The following SPOCK3 variants were observed in gnomAD, a reference collection of about 807,000 sequenced individuals.
SPOCK3 encodes the protein testican-3.
In SPOCK3, 30 loss-of-function variants were observed where a neutral mutation model predicts 56.6. The observed-to-expected ratio is 0.53, with a 90% confidence interval of 0.40 to 0.72. SPOCK3 has a LOEUF of 0.72. Ranked by LOEUF, SPOCK3 falls within the 30% of genes least tolerant of loss-of-function variation. The probability of loss-of-function intolerance (pLI) is 0.00; values close to 1 mark genes in which losing one functional copy is unlikely to be tolerated. For missense variants in SPOCK3, 527 were observed against 530.0 expected, an observed-to-expected ratio of 0.99 and a Z score of 0.06; for synonymous variants, 196 against 183.3, an observed-to-expected ratio of 1.07 and a Z score of -0.56.
rs935300133 is a variant in SPOCK3, at chr4:166,944,565, A to G, written c.351-31822T>C. Among the ~76,000 whole-genome samples, 4 of 152,108 alleles carry G rather than the reference A, an allele frequency of 2.6e-5. No individual in the cohort carries two copies. The East Asian group carries it at 5.8e-4, about 22-fold the overall frequency. On this transcript the variant is annotated intron_variant, in intron 4 of 10. Transcript: ENST00000357545. ...TTTTCTTGAGGGAGGGGTGGATTTC[A>G]TAACTTTTATTCCTTTAAACATTAT...
At chr4:167,206,887 CT>C (rs1210717709) in intron 2 of SPOCK3, among the ~76,000 whole-genome samples, 2 of 151,830 alleles carry the variant, frequency 1.3e-5, no homozygotes, top group Non-Finnish European at 2.9e-5. Context: ...AAAGTTACAA[CT>C]AGATAGGAGA....
chr4:167,173,786 C>T (rs957750107), intron 2 of SPOCK3, among the ~76,000 whole-genome samples: 10 of 152,046 alleles, frequency 6.6e-5, no homozygotes, highest in African/African-American at 2.4e-4. Context: ...AGGAGGATGA[C>T]TAGCAAGACT....
chr4:166,893,803 T>G (rs1394289320), intron 5 of SPOCK3, among the ~76,000 whole-genome samples: 1 of 152,170 alleles, frequency 6.6e-6, no homozygotes, highest in East Asian at 1.9e-4. Context: ...TATTATATTT[T>G]TAATGCTCTA....
intron 6 of SPOCK3, among the ~76,000 whole-genome samples, chr4:166,849,242 A>G (rs563113919): frequency 6.6e-6 from 1 of 152,294 alleles, no homozygotes; most frequent in South Asian, 2.1e-4. Flanking sequence ...TCCTGTTTCT[A>G]TACACATAAT....
At chr4:167,095,972 C>T (rs1009193045) in intron 2 of SPOCK3, among the ~76,000 whole-genome samples, 1 of 151,430 alleles carries the variant, frequency 6.6e-6, no homozygotes, top group Non-Finnish European at 1.5e-5. Flanking sequence ...TTTCAAGGAA[C>T]AATAAGAATT....
intron 6 of SPOCK3, among the ~76,000 whole-genome samples, chr4:166,807,217 G>A (rs1743257944): frequency 6.6e-6 from 1 of 151,864 alleles, no homozygotes; most frequent in African/African-American, 2.4e-5. Flanking sequence ...GTAGTGAGGT[G>A]ATGCAGCTGG....
intron 2 of SPOCK3, among the ~76,000 whole-genome samples, chr4:167,131,979 T>C (rs1394216734): frequency 1.3e-5 from 2 of 152,354 alleles, no homozygotes; most frequent in African/African-American, 2.4e-5. Context: ...CCCAGGTATT[T>C]ATATTTGAAT....
intron 6 of SPOCK3, among the ~76,000 whole-genome samples, chr4:166,868,878 C>A (rs1051569729): frequency 6.6e-6 from 1 of 151,942 alleles, no homozygotes; most frequent in Non-Finnish European, 1.5e-5. Flanking sequence ...TCTTTTTTTT[C>A]TATGCTATGA....
intron 2 of SPOCK3, among the ~76,000 whole-genome samples, chr4:167,200,940 C>A (rs1048318625): frequency 6.6e-6 from 1 of 151,954 alleles, no homozygotes; most frequent in African/African-American, 2.4e-5. Context: ...GTTGTGTATG[C>A]GGGCACACCA....
At chr4:166,820,690 G>A (rs1436191644) in intron 6 of SPOCK3, among the ~76,000 whole-genome samples, 2 of 151,872 alleles carry the variant, frequency 1.3e-5, no homozygotes, top group Non-Finnish European at 2.9e-5. Context: ...CAGGTGTGTT[G>A]GTGTGTACCT....
chr4:167,013,893 T>C (rs945149058), intron 3 of SPOCK3, among the ~76,000 whole-genome samples: 2 of 152,148 alleles, frequency 1.3e-5, no homozygotes, highest in African/African-American at 2.4e-5. Flanking sequence ...TATCCTATAA[T>C]TGTGTGATTT....
At chr4:166,950,387 T>C (rs972751328) in intron 4 of SPOCK3, among the ~76,000 whole-genome samples, 23 of 151,392 alleles carry the variant, frequency 1.5e-4, no homozygotes, top group African/African-American at 5.6e-4. Flanking sequence ...AAGAGCTAAC[T>C]ATCCTAAATA....
intron 2 of SPOCK3, among the ~76,000 whole-genome samples, chr4:167,172,116 T>C (rs567441699): frequency 6.6e-6 from 1 of 152,216 alleles, no homozygotes; most frequent in African/African-American, 2.4e-5. Context: ...CAGCCTGGAA[T>C]CTCTCAGCAG....
chr4:166,876,749 G>A (rs1182023358), intron 6 of SPOCK3, among the ~76,000 whole-genome samples: 1 of 152,050 alleles, frequency 6.6e-6, no homozygotes, highest in African/African-American at 2.4e-5. Flanking sequence ...ACTTGTTTTA[G>A]TTAAATATTT....
chr4:167,203,168 G>T (rs908899407), intron 2 of SPOCK3, among the ~76,000 whole-genome samples: 3 of 151,792 alleles, frequency 2.0e-5, no homozygotes, highest in Non-Finnish European at 4.4e-5. Flanking sequence ...ATTACTTACT[G>T]ATTTTTTTAG....
chr4:167,081,225 T>C (rs1400758619), intron 2 of SPOCK3, among the ~76,000 whole-genome samples: 1 of 152,020 alleles, frequency 6.6e-6, no homozygotes, highest in Non-Finnish European at 1.5e-5. Flanking sequence ...TATATACTTT[T>C]AGCTTCAATT....
intron 6 of SPOCK3, among the ~76,000 whole-genome samples, chr4:166,834,488 T>C (rs779757565): frequency 1.1e-4 from 17 of 152,222 alleles, no homozygotes; most frequent in Non-Finnish European, 2.2e-4. Flanking sequence ...GCTTTTTCTC[T>C]ATGGTCAGGT....
At chr4:166,975,164 T>C (rs1457093786) in intron 4 of SPOCK3, among the ~76,000 whole-genome samples, 1 of 152,162 alleles carries the variant, frequency 6.6e-6, no homozygotes, top group Non-Finnish European at 1.5e-5. Flanking sequence ...GACTTCCCGG[T>C]CTTTAGAACT....
intron 7 of SPOCK3, among the ~76,000 whole-genome samples, chr4:166,770,169 C>T (rs999980597): frequency 8.5e-5 from 13 of 152,160 alleles, no homozygotes; most frequent in Admixed American, 1.3e-4. Context: ...CTTCAGCTCA[C>T]ACTGGTGGGC....
Sources: gnomAD v4.1 joint callset for allele counts (sites outside exome capture counted in the v4.1 genomes callset) on GRCh38, gnomAD v4.1.1 for gene constraint, MANE v1.5 for transcripts, NCBI Gene and HGNC (gene_info 2026-07-23, HGNC 2026-07-21) for gene names.